Variants in PKIB observed in about 807,000 individuals in gnomAD.
PKIB encodes the protein cAMP-dependent protein kinase inhibitor beta, also known as PKI-beta.
In PKIB, 2 loss-of-function variants were observed where a neutral mutation model predicts 4.5. The ratio of observed to expected loss-of-function variants is 0.44; its 90% CI spans 0.18 to 1.39. The LOEUF (loss-of-function observed/expected upper bound fraction) is 1.39, where lower values mean the gene tolerates loss of function less well. Among genes scored for constraint, PKIB ranks in the 40% most tolerant of loss-of-function variants. The probability of loss-of-function intolerance (pLI) is 0.27; values close to 1 mark genes in which losing one functional copy is unlikely to be tolerated. For synonymous variants in PKIB, 38 were observed against 36.0 expected, an observed-to-expected ratio of 1.06 and a Z score of -0.20; for missense variants, 94 against 92.6, an observed-to-expected ratio of 1.02 and a Z score of -0.06.
intron 2 of PKIB, among the ~76,000 whole-genome samples, chr6:122,528,602 A>G (rs1777164241): frequency 6.6e-6 from 1 of 152,078 alleles, no homozygotes; most frequent in Non-Finnish European, 1.5e-5. Context: ...TAAGAACGTT[A>G]ATCTGTGGGC....
At chr6:122,629,072 C>A (rs1454557766) in intron 1 of PKIB, among the ~76,000 whole-genome samples, 1 of 152,148 alleles carries the variant, frequency 6.6e-6, no homozygotes, top group African/African-American at 2.4e-5. Context: ...CACCAATAAT[C>A]AGCTGGGGAA....
chr6:122,683,594 G>A (rs927568722), intron 3 of PKIB, among the ~76,000 whole-genome samples: 1 of 152,076 alleles, frequency 6.6e-6, no homozygotes, highest in African/African-American at 2.4e-5. Context: ...CATCAATAAG[G>A]AACTTTTATC....
chr6:122,677,175 G>C (rs1221864598), intron 3 of PKIB, among the ~76,000 whole-genome samples: 1 of 152,114 alleles, frequency 6.6e-6, no homozygotes, highest in Non-Finnish European at 1.5e-5. Flanking sequence ...GCTAGTCTTT[G>C]AGAAATACAA....
chr6:122,649,783 G>T (rs1186630948), intron 2 of PKIB, among the ~76,000 whole-genome samples: 4 of 152,160 alleles, frequency 2.6e-5, no homozygotes, highest in African/African-American at 9.7e-5. Context: ...TTTCTCAAAA[G>T]AAGAGTAGCT....
At position 122,625,805 on chromosome 6, in the gene PKIB, A is replaced by T. The variant is rs71571162; in HGVS notation, c.-160-7478A>T. 8.4e-3 allele frequency among the ~76,000 whole-genome samples: 1,285 copies of T among 152,308 alleles called. 9 individuals are homozygous for T. Among genetic ancestry groups the T allele is most frequent in the Middle Eastern group, 0.014 (4 of 294 alleles). ...TTAGATTGGCCAGCTTCAGTGGCTC[A>T]TACCTGTAATCCCAGCACTTTGGGA... On this transcript the variant is annotated intron_variant, in intron 1 of 4. Coordinates refer to ENST00000368452, the MANE Select transcript of PKIB (RefSeq NM_181795.3).
chr6:122,678,399 TG>T (rs1461569975), intron 3 of PKIB, among the ~76,000 whole-genome samples: 1 of 152,212 alleles, frequency 6.6e-6, no homozygotes, highest in Non-Finnish European at 1.5e-5. Context: ...ATTGCCTTCT[TG>T]GTCTTTATGT....
At chr6:122,622,626 C>T (rs1230138628) in intron 1 of PKIB, among the ~76,000 whole-genome samples, 1 of 152,064 alleles carries the variant, frequency 6.6e-6, no homozygotes, top group Admixed American at 6.6e-5. Context: ...CTTAGCAGTC[C>T]CCATGGATCA....
chr6:122,558,540 G>A (rs1369779349), intron 2 of PKIB, among the ~76,000 whole-genome samples: 1 of 152,116 alleles, frequency 6.6e-6, no homozygotes, highest in Admixed American at 6.6e-5. Flanking sequence ...CCATTGTCAA[G>A]ATGTTTGATA....
Position 122,677,111 on chromosome 6 carries a change from C to G in PKIB, c.-9+1967C>G, listed in dbSNP as rs143560918. 1.3e-4 allele frequency among the ~76,000 whole-genome samples: 20 copies of G among 148,648 alleles called. No individual in the cohort carries two copies. The East Asian group carries it at 3.9e-3, about 29-fold the overall frequency. ...TTGCTATAATGCAGATTCTTGGCCA[C>G]ACTTCCAACTATTAACAAGTATCTT... is the stretch of plus-strand genomic sequence containing the variant. On this transcript the variant is annotated intron_variant, in intron 3 of 4. Transcript: ENST00000368452.
At chr6:122,514,141 G>A (rs1183865263) in intron 2 of PKIB, among the ~76,000 whole-genome samples, 1 of 152,156 alleles carries the variant, frequency 6.6e-6, no homozygotes, top group African/African-American at 2.4e-5. Flanking sequence ...CAGATTCCAG[G>A]GATGAATTCT....
rs1459191768 is a variant in PKIB at position 122,628,338 on chromosome 6, C to G, written c.-160-4945C>G. Among the ~76,000 whole-genome samples the G allele has an allele frequency of 2.0e-5, 3 of 151,672 alleles. No individual in the cohort carries two copies. In the East Asian group the frequency reaches 5.8e-4, roughly 29 times the overall value. ...AGGCGTGAGCCACCGCGCCCGGCCT[C>G]CAGTTCTTTCATTTAACATTTATGA... On this transcript the variant is annotated intron_variant, in intron 1 of 4. Transcript: ENST00000368452.
intron 2 of PKIB, among the ~76,000 whole-genome samples, chr6:122,558,977 A>G (rs776799518): frequency 5.3e-5 from 8 of 152,182 alleles, no homozygotes; most frequent in Non-Finnish European, 1.2e-4. Flanking sequence ...CTTAGCTCCC[A>G]CATATCAGTG....
chr6:122,544,519 A>G (rs1772422801), intron 2 of PKIB, among the ~76,000 whole-genome samples: 1 of 152,004 alleles, frequency 6.6e-6, no homozygotes, highest in Admixed American at 6.6e-5. Flanking sequence ...ACATGATGCT[A>G]CCCTGGGGTT....
At chr6:122,518,742 G>A (rs1220306544) in intron 2 of PKIB, among the ~76,000 whole-genome samples, 15 of 152,068 alleles carry the variant, frequency 9.9e-5, no homozygotes, top group Admixed American at 9.8e-4. Context: ...ACTAAGGAGT[G>A]AAGAAGAATT....
At chr6:122,707,120 A>G (rs61065071) in intron 3 of PKIB, among the ~76,000 whole-genome samples, 9,068 of 152,200 alleles carry the variant, frequency 0.06, 348 homozygotes, top group Middle Eastern at 0.071. Context: ...GCAGGTTAAT[A>G]TAAACATGCA....
At chr6:122,649,995 T>C (rs1280557811) in intron 2 of PKIB, among the ~76,000 whole-genome samples, 1 of 152,176 alleles carries the variant, frequency 6.6e-6, no homozygotes, top group Non-Finnish European at 1.5e-5. Context: ...AGCCTTCTCT[T>C]ATTTGGGTAC....
At chr6:122,705,317 T>C (rs1210334762) in intron 3 of PKIB, among the ~76,000 whole-genome samples, 1 of 152,172 alleles carries the variant, frequency 6.6e-6, no homozygotes, top group Non-Finnish European at 1.5e-5. Flanking sequence ...TATTTTATTT[T>C]GTATTCTATT....
At chr6:122,590,867 G>A (rs922378532) in intron 3 of PKIB, among the ~76,000 whole-genome samples, 3 of 152,120 alleles carry the variant, frequency 2.0e-5, no homozygotes, top group African/African-American at 7.2e-5. Flanking sequence ...CCCACAAAGG[G>A]TAATGACTTC....
intron 3 of PKIB, among the ~76,000 whole-genome samples, chr6:122,692,533 C>T (rs1778397826): frequency 6.6e-6 from 1 of 152,082 alleles, no homozygotes; most frequent in South Asian, 2.1e-4. Context: ...TAAAGCTCTT[C>T]AGTCAGCTTG....
Sources: allele counts gnomAD v4.1 joint callset (sites outside exome capture counted in the v4.1 genomes callset), GRCh38; gene constraint gnomAD v4.1.1; transcripts MANE v1.5; gene names NCBI Gene and HGNC (gene_info 2026-07-23, HGNC 2026-07-21).